The following VTCN1 variants were observed in gnomAD, a reference collection of about 807,000 sequenced individuals.
The protein encoded by VTCN1 is V-set domain containing T cell activation inhibitor 1.
A neutral mutation model predicts 26.5 loss-of-function variants in VTCN1; 26 were observed. The ratio of observed to expected loss-of-function variants is 0.98; its 90% CI spans 0.72 to 1.36. VTCN1 has a LOEUF of 1.36. Ranked by LOEUF, VTCN1 falls within the 40% of genes most tolerant of loss-of-function variation. The probability of loss-of-function intolerance (pLI) is 0.00; values close to 1 mark genes in which losing one functional copy is unlikely to be tolerated. For missense variants in VTCN1, 298 were observed against 337.7 expected, an observed-to-expected ratio of 0.88 and a Z score of 0.92; for synonymous variants, 116 against 130.7, an observed-to-expected ratio of 0.89 and a Z score of 0.77.
At chr1:117,191,906 T>C (rs1320460513) in intron 1 of VTCN1, among the ~76,000 whole-genome samples, 1 of 152,106 alleles carries the variant, frequency 6.6e-6, no homozygotes, top group Non-Finnish European at 1.5e-5. Context: ...TAGTGAGCTA[T>C]GATCATGCCA....
At position 117,147,878 on chromosome 1, in the gene VTCN1, A is replaced by G; in HGVS notation, c.725-96T>C. ...CAAAGAAAAGTACCTGAAAAACAGA[A>G]CAAGTTGTTCCTAATTCAGGCAATT... is the stretch of plus-strand genomic sequence containing the variant. On this transcript the variant is annotated intron_variant, in intron 4 of 5. Transcript: ENST00000369458. The surrounding 1 kb of genome is among the most constrained non-coding windows in gnomAD (Gnocchi z 4.6). 1 of 1,494,810 alleles carries G rather than the reference A, an allele frequency of 6.7e-7. No homozygotes were observed. Among genetic ancestry groups the G allele is most frequent in the Non-Finnish European group, 8.9e-7 (1 of 1,121,686 alleles). 92.6% of individuals were successfully genotyped at this position (1,494,810 alleles called of 1,614,324 possible). A position where few individuals can be genotyped will look rare whatever the true frequency, so the allele number is the denominator to read the frequency against.
chr1:117,164,263 C>T (rs1182101303), intron 2 of VTCN1, among the ~76,000 whole-genome samples: 1 of 152,002 alleles, frequency 6.6e-6, no homozygotes, highest in Admixed American at 6.6e-5. Flanking sequence ...CCAGGAGTGC[C>T]CTGTATGTAA....
At chr1:117,206,419 T>G (rs1649076988) in intron 1 of VTCN1, among the ~76,000 whole-genome samples, 1 of 152,200 alleles carries the variant, frequency 6.6e-6, no homozygotes, top group East Asian at 1.9e-4. Flanking sequence ...GTTCTTAGGA[T>G]GTGCCAGGAA....
rs749012702 is a variant in VTCN1 at position 117,153,382 on chromosome 1, A to G, written c.446-13T>C. The G allele has an allele frequency of 5.7e-6, 9 of 1,592,880 alleles. No homozygotes were observed. The South Asian group carries it at 1.0e-4, about 18-fold the overall frequency. ...GGCATGCTGAAGGCTGCAGGGTCAA[A>G]AGTCAGAAAGGGCAGATGCCAAAGT... On this transcript the variant is annotated splice_polypyrimidine_tract_variant and intron_variant, in intron 3 of 5. Coordinates refer to ENST00000369458, the MANE Select transcript of VTCN1 (RefSeq NM_024626.4).
chr1:117,195,616 G>T (rs1648469884), intron 1 of VTCN1, among the ~76,000 whole-genome samples: 4 of 152,082 alleles, frequency 2.6e-5, no homozygotes, highest in Admixed American at 2.0e-4. Context: ...TGTTGGCAGG[G>T]TTAGTGCTGG....
At chr1:117,210,409 G>A (rs1190716696) in intron 1 of VTCN1, among the ~76,000 whole-genome samples, 1 of 152,114 alleles carries the variant, frequency 6.6e-6, no homozygotes, top group African/African-American at 2.4e-5. Flanking sequence ...TGCATAAAGG[G>A]TCCTCCTGCA....
chr1:117,159,263 G>T lies in VTCN1; in HGVS notation c.98-2342C>A, dbSNP rs1452052371. 6.6e-6 allele frequency among the ~76,000 whole-genome samples: 1 copy of T among 152,184 alleles called. No homozygotes were observed. Among genetic ancestry groups the T allele is most frequent in the Non-Finnish European group, 1.5e-5 (1 of 68,034 alleles). On this transcript the variant is annotated intron_variant, in intron 2 of 5. Coordinates refer to ENST00000369458, the MANE Select transcript of VTCN1 (RefSeq NM_024626.4). This position sits in a 1 kb window ranked among gnomAD's most constrained non-coding sequence, Gnocchi z 4.7. ...ATACCCGAGACTTGGAAGAAAAAGA[G>T]GTTTAATTGAACTTAACAGTTTCAC...
intron 1 of VTCN1, among the ~76,000 whole-genome samples, chr1:117,204,313 T>C (rs953205892): frequency 2.0e-5 from 3 of 152,202 alleles, no homozygotes; most frequent in Non-Finnish European, 4.4e-5. Flanking sequence ...CCCAATTTAC[T>C]GATAAGGTAA....
At chr1:117,174,754 A>C (rs762492882) in intron 1 of VTCN1, among the ~76,000 whole-genome samples, 4 of 152,204 alleles carry the variant, frequency 2.6e-5, no homozygotes, top group Non-Finnish European at 5.9e-5. Context: ...ACCCAGGGGA[A>C]ACAGAGATAA....
intron 1 of VTCN1, among the ~76,000 whole-genome samples, chr1:117,202,472 G>C (rs1648836916): frequency 6.6e-6 from 1 of 152,180 alleles, no homozygotes; most frequent in African/African-American, 2.4e-5. Context: ...GTGAAGACAA[G>C]ATAAGAACAG....
At chr1:117,184,535 T>A (rs79639333) in intron 1 of VTCN1, among the ~76,000 whole-genome samples, 407 of 152,364 alleles carry the variant, frequency 2.7e-3, no homozygotes, top group Admixed American at 4.7e-3. Flanking sequence ...GTGTTCTTTA[T>A]ACTTTGAATT....
rs571464009 is a variant in VTCN1, at chr1:117,167,815, T to G, written c.97+2292A>C. ...GCAGGAAGAGGAATATTAATAAAGATAAAAGCCAAAATTAGTAAAATAGGA... is the reference window on the plus strand; with the variant it reads ...GCAGGAAGAGGAATATTAATAAAGAGAAAAGCCAAAATTAGTAAAATAGGA... On this transcript the variant is annotated intron_variant, in intron 2 of 5. Transcript: ENST00000369458. The surrounding 1 kb of genome is among the most constrained non-coding windows in gnomAD (Gnocchi z 4.1). 3.9e-5 allele frequency among the ~76,000 whole-genome samples: 6 copies of G among 152,172 alleles called. No homozygotes were observed. In the East Asian group the frequency reaches 1.2e-3, roughly 29 times the overall value.
rs1652268990 is a variant in VTCN1, at chr1:117,159,724, G to A, written c.98-2803C>T. ...TGGCCTAGTCATTCTGAAAAATGCT[G>A]AATTCTAAAGTGCTGTAACTTTTAT... On this transcript the variant is annotated intron_variant, in intron 2 of 5. Coordinates refer to ENST00000369458, the MANE Select transcript of VTCN1 (RefSeq NM_024626.4). The surrounding 1 kb of genome is among the most constrained non-coding windows in gnomAD (Gnocchi z 4.7). Among the ~76,000 whole-genome samples, 1 of 152,198 alleles carries A rather than the reference G, an allele frequency of 6.6e-6. No homozygotes were observed. Among genetic ancestry groups the A allele is most frequent in the South Asian group, 2.1e-4 (1 of 4,832 alleles).
At position 117,145,927 on chromosome 1, in the gene VTCN1, C is replaced by A. The variant is rs1329111129; in HGVS notation, c.*46-702G>T. On this transcript the variant is annotated intron_variant, in intron 5 of 5. Transcript: ENST00000369458. The surrounding 1 kb of genome is among the most constrained non-coding windows in gnomAD (Gnocchi z 4.6). ...GGGGTTACAGGTGTGAGCCACCATGCCCAGCCTTACTCATTTACTTTAAAA... is the reference window on the plus strand; with the variant it reads ...GGGGTTACAGGTGTGAGCCACCATGACCAGCCTTACTCATTTACTTTAAAA... 6.6e-6 allele frequency among the ~76,000 whole-genome samples: 1 copy of A among 152,198 alleles called. No homozygotes were observed. Among genetic ancestry groups the A allele is most frequent in the Non-Finnish European group, 1.5e-5 (1 of 68,040 alleles).
intron 1 of VTCN1, among the ~76,000 whole-genome samples, chr1:117,195,042 G>A (rs1648441667): frequency 6.6e-6 from 1 of 151,136 alleles, no homozygotes; most frequent in South Asian, 2.1e-4. Flanking sequence ...GAGGTGGGTG[G>A]ATCACCTGAG....
chr1:117,160,667 T>A (rs542737931), intron 2 of VTCN1, among the ~76,000 whole-genome samples: 4 of 152,364 alleles, frequency 2.6e-5, no homozygotes, highest in Admixed American at 6.5e-5. Context: ...CTGTATCAAA[T>A]TATTTGTTGA....
At chr1:117,176,011 C>T (rs1647333602) in intron 1 of VTCN1, among the ~76,000 whole-genome samples, 1 of 152,056 alleles carries the variant, frequency 6.6e-6, no homozygotes, top group Non-Finnish European at 1.5e-5. Flanking sequence ...CTCAGGTGAT[C>T]CACCTGCCTC....
chr1:117,191,173 GA>G (rs966080993), intron 1 of VTCN1, among the ~76,000 whole-genome samples: 1 of 151,746 alleles, frequency 6.6e-6, no homozygotes, highest in African/African-American at 2.4e-5. Flanking sequence ...GATCATACAA[GA>G]AAAAAAATCA....
rs1457299622 is a variant in VTCN1 at position 117,150,407 on chromosome 1, G to T, written c.725-2625C>A. Among the ~76,000 whole-genome samples, 4 of 152,314 alleles carry T rather than the reference G, an allele frequency of 2.6e-5. No homozygotes were observed. In the East Asian group the frequency reaches 7.7e-4, roughly 29 times the overall value. On this transcript the variant is annotated intron_variant, in intron 4 of 5. Transcript: ENST00000369458. ...AATGGGATTTAAGTTCCTGGTTCCAGTTGATCCTGAAGTCAACTGAACTTC... is the reference window on the plus strand; with the variant it reads ...AATGGGATTTAAGTTCCTGGTTCCATTTGATCCTGAAGTCAACTGAACTTC...
Sources: gnomAD v4.1 joint callset for allele counts (sites outside exome capture counted in the v4.1 genomes callset) on GRCh38, gnomAD v4.1.1 for gene constraint, Gnocchi (gnomAD v3.1) non-coding constraint, MANE v1.5 for transcripts, NCBI Gene and HGNC (gene_info 2026-07-23, HGNC 2026-07-21) for gene names.